Variants in VAV3 observed in about 807,000 individuals in gnomAD.
VAV3 encodes guanine nucleotide exchange factor VAV3.
VAV3 carries 94 observed loss-of-function variants against 131.2 expected under a neutral mutation model. The ratio of observed to expected loss-of-function variants is 0.72; its 90% confidence interval spans 0.61 to 0.85. The LOEUF (loss-of-function observed/expected upper bound fraction) is 0.85, where lower values mean the gene tolerates loss of function less well. Among genes scored for constraint, VAV3 ranks in the 40% least tolerant of loss-of-function variants. VAV3 has a pLI of 0.00. For missense variants in VAV3, 939 were observed against 1,002.7 expected (o/e 0.94, Z 0.86); for synonymous variants, 349 against 342.0 (o/e 1.02, Z -0.22).
chr1:107,640,824 A>C (rs989253858), intron 20 of VAV3, among the ~76,000 whole-genome samples: 1 of 151,922 alleles, frequency 6.6e-6, no homozygotes, highest in Admixed American at 6.6e-5. Flanking sequence ...AGTGTCTGGC[A>C]TGACCAGACA....
intron 1 of VAV3, among the ~76,000 whole-genome samples, chr1:107,890,913 G>A (rs1404103399): frequency 6.6e-6 from 1 of 152,082 alleles, no homozygotes; most frequent in East Asian, 1.9e-4. Context: ...TTCTTCAGTA[G>A]TTATTCATTG....
chr1:107,771,514 G>C (rs896463363), intron 5 of VAV3, among the ~76,000 whole-genome samples: 23 of 152,266 alleles, frequency 1.5e-4, no homozygotes, highest in African/African-American at 5.5e-4. Flanking sequence ...CGGCCTCTCA[G>C]AGTGCTGGGA....
At chr1:107,593,634 A>T (rs567566356) in intron 25 of VAV3, among the ~76,000 whole-genome samples, 41 of 152,260 alleles carry the variant, frequency 2.7e-4, no homozygotes, top group Non-Finnish European at 4.9e-4. Flanking sequence ...CATCTTGCAC[A>T]ATCTTTCTAT....
intron 1 of VAV3, among the ~76,000 whole-genome samples, chr1:107,924,825 C>T (rs564307648): frequency 8.5e-5 from 13 of 152,138 alleles, no homozygotes; most frequent in African/African-American, 2.4e-4. Context: ...AACAACACAA[C>T]GATATTAAGA....
chr1:107,678,383 A>T (rs1435557106), intron 19 of VAV3, among the ~76,000 whole-genome samples: 1 of 152,218 alleles, frequency 6.6e-6, no homozygotes, highest in Non-Finnish European at 1.5e-5. Context: ...GAAATATTCT[A>T]ATCTATAGAA....
At chr1:107,786,336 A>C (rs190669515) in intron 2 of VAV3, among the ~76,000 whole-genome samples, 136 of 152,304 alleles carry the variant, frequency 8.9e-4, no homozygotes, top group African/African-American at 3.1e-3. Flanking sequence ...AAAGCCATAT[A>C]CTGGGCTGAT....
At chr1:107,614,046 T>C (rs1268401569) in intron 21 of VAV3, among the ~76,000 whole-genome samples, 4 of 152,044 alleles carry the variant, frequency 2.6e-5, no homozygotes. Context: ...GGATACTGCT[T>C]TCCTTTTTTC....
At chr1:107,755,067 A>G (rs1191212156) in intron 12 of VAV3, among the ~76,000 whole-genome samples, 5 of 152,134 alleles carry the variant, frequency 3.3e-5, no homozygotes, top group African/African-American at 4.8e-5. Flanking sequence ...TGTCTGGGTC[A>G]TAATAGTCAC....
intron 22 of VAV3, among the ~76,000 whole-genome samples, chr1:107,607,955 TA>T (rs889017848): frequency 2.6e-5 from 4 of 152,234 alleles, no homozygotes; most frequent in Admixed American, 6.5e-5. Context: ...TTGAAGGTTC[TA>T]TTTTCTGGGG....
Position 107,574,208 on chromosome 1 carries a change from A to C in VAV3, c.2351-10T>G, listed in dbSNP as rs753256329. 6.2e-7 allele frequency: 1 copy of C among 1,610,960 alleles called. No homozygotes were observed. Among genetic ancestry groups the C allele is most frequent in the East Asian group, 2.2e-5 (1 of 44,860 alleles). On this transcript the variant is annotated splice_polypyrimidine_tract_variant and intron_variant, in intron 25 of 26. Transcript: ENST00000370056. ...ACTTTTGGACTTAACACTGTCAAGA[A>C]ATGACAAGCAATGACAGTAGGTTTG... is the stretch of plus-strand genomic sequence containing the variant.
chr1:107,920,441 G>A (rs112008374), intron 1 of VAV3, among the ~76,000 whole-genome samples: 531 of 152,220 alleles, frequency 3.5e-3, no homozygotes, highest in African/African-American at 0.012. Context: ...AAAAACTTAC[G>A]GGTGGTCCAC....
chr1:107,891,122 C>T (rs572220639), intron 1 of VAV3, among the ~76,000 whole-genome samples: 1 of 149,958 alleles, frequency 6.7e-6, no homozygotes, highest in South Asian at 2.1e-4. Context: ...GATGTCCTAC[C>T]ACAATTATTG....
intron 15 of VAV3, among the ~76,000 whole-genome samples, chr1:107,726,083 T>A (rs1331498308): frequency 6.6e-6 from 1 of 152,150 alleles, no homozygotes; most frequent in African/African-American, 2.4e-5. Flanking sequence ...AATATCCCTA[T>A]CTCAGAATTA....
Position 107,744,336 on chromosome 1 carries a change from A to C in VAV3, c.1502+4632T>G, listed in dbSNP as rs567945918. Among the ~76,000 whole-genome samples the C allele has an allele frequency of 7.6e-4, 116 of 152,342 alleles. 1 individual carries two copies. Among genetic ancestry groups the C allele is most frequent in the African/African-American group, 2.8e-3 (116 of 41,590 alleles). ...CAGGCACTTATTACACAGTCGAGAA[A>C]TCTTAGATATTCACAGTAGTGATGG... On this transcript the variant is annotated intron_variant, in intron 15 of 26. Coordinates refer to ENST00000370056, the MANE Select transcript of VAV3 (RefSeq NM_006113.5).
intron 15 of VAV3, among the ~76,000 whole-genome samples, chr1:107,721,614 T>C (rs1661506028): frequency 6.6e-6 from 1 of 151,956 alleles, no homozygotes; most frequent in Non-Finnish European, 1.5e-5. Flanking sequence ...CAACAGCAGA[T>C]GGGTAGAAAC....
intron 13 of VAV3, among the ~76,000 whole-genome samples, chr1:107,750,050 C>G (rs1296276875): frequency 6.6e-6 from 1 of 152,116 alleles, no homozygotes. Context: ...CAATTTAAAT[C>G]CCCAAGACCA....
intron 15 of VAV3, among the ~76,000 whole-genome samples, chr1:107,737,179 C>A (rs1463188930): frequency 6.6e-6 from 1 of 152,194 alleles, no homozygotes; most frequent in Non-Finnish European, 1.5e-5. Flanking sequence ...TGGATCCCTT[C>A]CTTACACCTT....
Position 107,606,071 on chromosome 1 carries a change from T to C in VAV3, c.2016-2908A>G, listed in dbSNP as rs920957060. Among the ~76,000 whole-genome samples the C allele has an allele frequency of 4.0e-4, 61 of 152,360 alleles. 1 individual carries two copies. The highest frequency in any genetic ancestry group is 1.5e-3 in the African/African-American group (61 of 41,584). ...CTTTGCTCCCCTTTCCTGGCTTCTA[T>C]ATCTCCCTCTTCCTTGATTTACTAG... On this transcript the variant is annotated intron_variant, in intron 22 of 26. Coordinates refer to ENST00000370056, the MANE Select transcript of VAV3 (RefSeq NM_006113.5).
chr1:107,743,714 A>C (rs1345847692), intron 15 of VAV3, among the ~76,000 whole-genome samples: 4 of 152,172 alleles, frequency 2.6e-5, no homozygotes, highest in Non-Finnish European at 4.4e-5. Context: ...TTTAGATTAA[A>C]ACAAATTATG....
Sources: gnomAD v4.1 joint callset for allele counts (sites outside exome capture counted in the v4.1 genomes callset) on GRCh38, gnomAD v4.1.1 for gene constraint, MANE v1.5 for transcripts, NCBI Gene and HGNC (gene_info 2026-07-23, HGNC 2026-07-21) for gene names.